NPAS3: variants seen among roughly 807,000 people sequenced by gnomAD.
NPAS3 encodes the protein neuronal PAS domain-containing protein 3.
In NPAS3, 14 loss-of-function variants were observed where a neutral mutation model predicts 73.1. The ratio of observed to expected loss-of-function variants is 0.19; its 90% CI spans 0.13 to 0.30. NPAS3 has a LOEUF of 0.30. Among genes scored for constraint, NPAS3 ranks in the 10% least tolerant of loss-of-function variants. The probability of loss-of-function intolerance (pLI) is 1.00; values close to 1 mark genes in which losing one functional copy is unlikely to be tolerated. For synonymous variants in NPAS3, 620 were observed against 541.5 expected, an observed-to-expected ratio of 1.14 and a Z score of -2.01; for missense variants, 1,096 against 1,250.0, an observed-to-expected ratio of 0.88 and a Z score of 1.86.
At chr14:33,672,282 A>C (rs2059631164) in intron 5 of NPAS3, among the ~76,000 whole-genome samples, 1 of 152,264 alleles carries the variant, frequency 6.6e-6, no homozygotes, top group Non-Finnish European at 1.5e-5. Context: ...ATATTATAAT[A>C]CATTTTAAGG....
At chr14:33,637,681 C>G (rs1481585505) in intron 5 of NPAS3, among the ~76,000 whole-genome samples, 1 of 152,114 alleles carries the variant, frequency 6.6e-6, no homozygotes, top group Non-Finnish European at 1.5e-5. Flanking sequence ...AATGACTTAC[C>G]TTTTTTGTTT....
intron 9 of NPAS3, among the ~76,000 whole-genome samples, chr14:33,780,262 G>A (rs1292433225): frequency 6.6e-5 from 10 of 152,150 alleles, no homozygotes; most frequent in South Asian, 2.1e-4. Flanking sequence ...GTTGTGTATC[G>A]TAGAAGCAGA....
chr14:33,300,521 T>C (rs548493104), intron 3 of NPAS3, among the ~76,000 whole-genome samples: 1 of 152,318 alleles, frequency 6.6e-6, no homozygotes, highest in Non-Finnish European at 1.5e-5. Flanking sequence ...CACTTTAAAG[T>C]GACACTGCAA....
At chr14:32,996,203 T>C (rs1304809801) in intron 1 of NPAS3, among the ~76,000 whole-genome samples, 1 of 152,194 alleles carries the variant, frequency 6.6e-6, no homozygotes, top group Non-Finnish European at 1.5e-5. Context: ...ATTTAGGGTA[T>C]CTAGCAGAAG....
chr14:33,419,372 A>AT (rs1274329901), intron 4 of NPAS3, among the ~76,000 whole-genome samples: 2 of 151,920 alleles, frequency 1.3e-5, no homozygotes, highest in Admixed American at 1.3e-4. Flanking sequence ...AATTATGTAT[A>AT]TTTTATATAG....
At chr14:33,329,436 C>G (rs1037740889) in intron 3 of NPAS3, among the ~76,000 whole-genome samples, 19 of 152,276 alleles carry the variant, frequency 1.2e-4, no homozygotes, top group African/African-American at 4.1e-4. Flanking sequence ...GAAAGCCTCT[C>G]TGGGTTGGCG....
intron 1 of NPAS3, among the ~76,000 whole-genome samples, chr14:32,968,984 G>C (rs1033793010): frequency 6.6e-6 from 1 of 152,108 alleles, no homozygotes. Flanking sequence ...GTGTCCATGT[G>C]TTCTCAGTGT....
intron 5 of NPAS3, among the ~76,000 whole-genome samples, chr14:33,651,577 T>G (rs1300503044): frequency 1.3e-5 from 2 of 152,124 alleles, no homozygotes; most frequent in African/African-American, 4.8e-5. Context: ...AGCTTTGAGG[T>G]CAGAGCTGGG....
In NPAS3 at chr14:33,448,221, G is replaced by C. The variant is rs564544380; in HGVS notation, c.468+80953G>C. Reference sequence around the variant, plus strand: ...ACAGATTTGAACATCATTTGAATTTGTGTAGGTTGTAGTAAAAGTCATGCA... The same window carrying C: ...ACAGATTTGAACATCATTTGAATTTCTGTAGGTTGTAGTAAAAGTCATGCA... On this transcript the variant is annotated intron_variant, in intron 4 of 11. Transcript: ENST00000356141. Among the ~76,000 whole-genome samples the C allele has an allele frequency of 5.3e-5, 8 of 152,324 alleles. No individual in the cohort carries two copies. The East Asian group carries it at 1.5e-3, about 29-fold the overall frequency.
At chr14:33,020,198 A>G (rs1043061874) in intron 1 of NPAS3, among the ~76,000 whole-genome samples, 7 of 152,238 alleles carry the variant, frequency 4.6e-5, no homozygotes, top group African/African-American at 1.7e-4. Context: ...TGCCTTCTGA[A>G]GAACAAAGAA....
chr14:33,557,499 C>A (rs1024567979), intron 4 of NPAS3, among the ~76,000 whole-genome samples: 1 of 152,278 alleles, frequency 6.6e-6, no homozygotes, highest in South Asian at 2.1e-4. Flanking sequence ...TTCAGAAATG[C>A]TGTGAATATT....
intron 3 of NPAS3, among the ~76,000 whole-genome samples, chr14:33,239,230 C>T (rs1024383362): frequency 4.0e-5 from 6 of 151,566 alleles, no homozygotes; most frequent in African/African-American, 1.5e-4. Context: ...AGGGGAGTTT[C>T]AGGGGAAAAA....
At chr14:33,516,317 G>A (rs996906434) in intron 4 of NPAS3, among the ~76,000 whole-genome samples, 3 of 152,122 alleles carry the variant, frequency 2.0e-5, no homozygotes, top group South Asian at 2.1e-4. Context: ...TCAAGGAGGG[G>A]TTTCAAGGGA....
intron 4 of NPAS3, among the ~76,000 whole-genome samples, chr14:33,490,951 A>C (rs1373777117): frequency 6.6e-6 from 1 of 152,172 alleles, no homozygotes; most frequent in Non-Finnish European, 1.5e-5. Context: ...ACAAAGCAAA[A>C]ATACAATTTT....
At chr14:33,383,801 G>T (rs17100910) in intron 4 of NPAS3, among the ~76,000 whole-genome samples, 10,258 of 151,904 alleles carry the variant, frequency 0.068, 508 homozygotes, top group South Asian at 0.2. Flanking sequence ...AATGTCTTCC[G>T]AAAAAAATCC....
At chr14:33,527,358 A>C (rs1299317706) in intron 4 of NPAS3, among the ~76,000 whole-genome samples, 3 of 152,166 alleles carry the variant, frequency 2.0e-5, no homozygotes, top group Non-Finnish European at 2.9e-5. Context: ...TCATAGGAAG[A>C]AATTGTTGCC....
intron 1 of NPAS3, among the ~76,000 whole-genome samples, chr14:33,012,567 TA>T (rs1416816698): frequency 6.6e-6 from 1 of 151,784 alleles, no homozygotes; most frequent in Non-Finnish European, 1.5e-5. Context: ...TTTTTTTTTT[TA>T]GATGGAGTCT....
At chr14:33,042,577 A>G (rs1274338795) in intron 1 of NPAS3, among the ~76,000 whole-genome samples, 1 of 152,196 alleles carries the variant, frequency 6.6e-6, no homozygotes, top group African/African-American at 2.4e-5. Context: ...ACCCCATTCT[A>G]TTTAATTATG....
intron 6 of NPAS3, among the ~76,000 whole-genome samples, chr14:33,688,413 C>G (rs1326243805): frequency 6.6e-6 from 1 of 152,104 alleles, no homozygotes; most frequent in Admixed American, 6.5e-5. Flanking sequence ...GAAACTCTTA[C>G]TAATACCCCG....
Sources: allele counts gnomAD v4.1 joint callset (sites outside exome capture counted in the v4.1 genomes callset), GRCh38; gene constraint gnomAD v4.1.1; transcripts MANE v1.5; gene names NCBI Gene and HGNC (gene_info 2026-07-23, HGNC 2026-07-21).